The following TSPAN18 variants were observed in gnomAD, a reference collection of about 807,000 sequenced individuals.
TSPAN18 encodes the protein tetraspanin 18, also known as tetraspanin-18.
A neutral mutation model predicts 27.3 loss-of-function variants in TSPAN18; 14 were observed. That is an observed-to-expected ratio of 0.51 (90% CI 0.34 to 0.80). The LOEUF is 0.80. TSPAN18 is among the 30% of genes least tolerant of loss of function. TSPAN18 has a pLI of 0.01. For synonymous variants in TSPAN18, 143 were observed against 136.5 expected, an observed-to-expected ratio of 1.05 and a Z score of -0.33; for missense variants, 268 against 323.9, an observed-to-expected ratio of 0.83 and a Z score of 1.32.
At position 44,822,210 on chromosome 11, in the gene TSPAN18, G is replaced by A. The variant is rs1565165130; in HGVS notation, c.-152-38118G>A. On this transcript the variant is annotated intron_variant, in intron 2 of 9. Transcript: ENST00000520358. The stretch of plus-strand genomic sequence containing the variant: ...CCCAATTTAAATGAACTTTGATATG[G>A]GGGTCTTTCTTAACACTTTCAAGAA... Among the ~76,000 whole-genome samples, 3 of 152,070 alleles carry A rather than the reference G, an allele frequency of 2.0e-5. No individual in the cohort carries two copies. The East Asian group carries it at 5.8e-4, about 29-fold the overall frequency.
chr11:44,740,462 G>T, intron 1 of TSPAN18, among the ~76,000 whole-genome samples: 1 of 152,280 alleles, frequency 6.6e-6, no homozygotes, highest in African/African-American at 2.4e-5. Context: ...GGCCAGCCAG[G>T]GGCATGGGGC....
At chr11:44,870,248 C>T (rs1271604666) in intron 3 of TSPAN18, among the ~76,000 whole-genome samples, 1 of 152,164 alleles carries the variant, frequency 6.6e-6, no homozygotes, top group Non-Finnish European at 1.5e-5. Flanking sequence ...GCCATCAGTC[C>T]CTGTTCCCAC....
chr11:44,887,763 C>T (rs1858706565), intron 3 of TSPAN18, among the ~76,000 whole-genome samples: 2 of 152,150 alleles, frequency 1.3e-5, no homozygotes, highest in South Asian at 4.1e-4. Flanking sequence ...TCCCTGCACC[C>T]TTTTCTGCTG....
chr11:44,732,113 G>A (rs1854675889), intron 1 of TSPAN18, among the ~76,000 whole-genome samples: 1 of 152,240 alleles, frequency 6.6e-6, no homozygotes, highest in Non-Finnish European at 1.5e-5. Context: ...GCTGGGCCCG[G>A]TCCGTGGTCT....
At chr11:44,887,625 C>A (rs532734598) in intron 3 of TSPAN18, among the ~76,000 whole-genome samples, 2 of 152,254 alleles carry the variant, frequency 1.3e-5, no homozygotes, top group East Asian at 3.9e-4. Context: ...CCCTGGGGCC[C>A]GCCTTTCCCC....
intron 2 of TSPAN18, among the ~76,000 whole-genome samples, chr11:44,789,206 G>T (rs765593082): frequency 1.3e-5 from 2 of 152,144 alleles, no homozygotes; most frequent in African/African-American, 4.8e-5. Flanking sequence ...ACGCAGAGCC[G>T]TGATCATCAG....
rs542107057 is a variant in TSPAN18, at chr11:44,926,838, C to T, written c.699+81C>T. Reference sequence around the variant, plus strand: ...TAGGCAGATCCCCCCAGCCTCCTTTCCTCTTCATTTCCTTCACCTGGGACC... The same window carrying T: ...TAGGCAGATCCCCCCAGCCTCCTTTTCTCTTCATTTCCTTCACCTGGGACC... On this transcript the variant is annotated intron_variant, in intron 9 of 9. Transcript: ENST00000520358. The T allele has an allele frequency of 3.7e-4, 551 of 1,496,342 alleles. 2 individuals carry two copies. In the African/African-American group the frequency reaches 5.7e-3, roughly 15 times the overall value. The allele number at this position is 1,496,342 out of a possible 1,614,324, so 92.7% of individuals were successfully genotyped here.
chr11:44,861,072 C>T (rs1857866245), intron 3 of TSPAN18, among the ~76,000 whole-genome samples: 1 of 152,096 alleles, frequency 6.6e-6, no homozygotes, highest in African/African-American at 2.4e-5. Context: ...GAATCCAGGG[C>T]TCAAATGATG....
intron 1 of TSPAN18, among the ~76,000 whole-genome samples, chr11:44,752,214 A>G (rs1855227176): frequency 6.6e-6 from 1 of 152,246 alleles, no homozygotes; most frequent in African/African-American, 2.4e-5. Flanking sequence ...CTAAATCTCC[A>G]AAACAGGCTA....
In TSPAN18 at chr11:44,929,691, C is replaced by T. The variant is rs1242499329; in HGVS notation, c.*513C>T. 6.5e-6 allele frequency: 1 copy of T among 154,554 alleles called. No homozygotes were observed. The highest frequency in any genetic ancestry group is 1.4e-5 in the Non-Finnish European group (1 of 69,676). The allele number at this position is 154,554 out of a possible 1,614,324, so 9.6% of individuals were successfully genotyped here. ...GTCCACTGGAGGATGGACTGTTCCC[C>T]CCTTCAGGCCGGGGCCAAGAGTGAG... is the stretch of plus-strand genomic sequence containing the variant. On this transcript the variant is annotated 3_prime_UTR_variant, in exon 10 of 10. Coordinates refer to ENST00000520358, the MANE Select transcript of TSPAN18 (RefSeq NM_130783.5).
chr11:44,832,705 G>C (rs1249681425), intron 2 of TSPAN18, among the ~76,000 whole-genome samples: 1 of 152,108 alleles, frequency 6.6e-6, no homozygotes, highest in Non-Finnish European at 1.5e-5. Flanking sequence ...CTTCTTCCTT[G>C]TTCCTCCTTC....
At chr11:44,892,060 T>G (rs1858868715) in intron 3 of TSPAN18, among the ~76,000 whole-genome samples, 1 of 152,100 alleles carries the variant, frequency 6.6e-6, no homozygotes, top group South Asian at 2.1e-4. Flanking sequence ...CTACAGCCCC[T>G]TCCCCAAGGC....
Position 44,929,233 on chromosome 11 carries a change from G to A in TSPAN18, c.*55G>A, listed in dbSNP as rs835990. ...CCCACCCACCACTGCCCAGCACCCA[G>A]TGTCCTCCCGTGCCCCTCCCCGCTG... On this transcript the variant is annotated 3_prime_UTR_variant, in exon 10 of 10. Coordinates refer to ENST00000520358, the MANE Select transcript of TSPAN18 (RefSeq NM_130783.5). 0.88 allele frequency: 1,418,237 copies of A among 1,610,490 alleles called. 625,001 individuals are homozygous for A. Among genetic ancestry groups the A allele is most frequent in the Admixed American group, 0.93 (56,007 of 60,012 alleles).
chr11:44,748,763 G>A (rs1855140687), intron 1 of TSPAN18, among the ~76,000 whole-genome samples: 2 of 152,196 alleles, frequency 1.3e-5, no homozygotes, highest in South Asian at 4.1e-4. Flanking sequence ...CGGTCAAGTT[G>A]CCACTGTGAA....
At chr11:44,839,687 A>C (rs1447599745) in intron 2 of TSPAN18, among the ~76,000 whole-genome samples, 3 of 152,130 alleles carry the variant, frequency 2.0e-5, no homozygotes, top group Non-Finnish European at 1.5e-5. Flanking sequence ...TGCTTCCTGG[A>C]GTTAAGACAG....
Position 44,913,099 on chromosome 11 carries a change from C to G in TSPAN18, c.258+3200C>G, listed in dbSNP as rs542658425. ...AACCGAAGAGGGCATGGAGCCTCAC[C>G]CCTGGCAGCTTCTGGGATCCTTCTA... is the stretch of plus-strand genomic sequence containing the variant. On this transcript the variant is annotated intron_variant, in intron 5 of 9. Transcript: ENST00000520358. Among the ~76,000 whole-genome samples, 5 of 152,334 alleles carry G rather than the reference C, an allele frequency of 3.3e-5. No homozygotes were observed. In the South Asian group the frequency reaches 1.0e-3, roughly 32 times the overall value.
intron 2 of TSPAN18, among the ~76,000 whole-genome samples, chr11:44,804,867 T>C (rs1856558563): frequency 6.6e-6 from 1 of 152,202 alleles, no homozygotes; most frequent in Non-Finnish European, 1.5e-5. Flanking sequence ...CACCCCATTA[T>C]GAGTTCCGAC....
At chr11:44,862,743 G>C (rs1198647895) in intron 3 of TSPAN18, among the ~76,000 whole-genome samples, 3 of 152,188 alleles carry the variant, frequency 2.0e-5, no homozygotes, top group Admixed American at 2.0e-4. Context: ...CCATAACTGG[G>C]CTGGCTTGGT....
intron 2 of TSPAN18, among the ~76,000 whole-genome samples, chr11:44,788,575 A>T (rs1856117621): frequency 1.4e-5 from 2 of 147,210 alleles, no homozygotes; most frequent in Admixed American, 1.4e-4. Context: ...CTCCTGTTCC[A>T]GCCTCCGGAG....
Sources: gnomAD v4.1 joint callset for allele counts (sites outside exome capture counted in the v4.1 genomes callset) on GRCh38, gnomAD v4.1.1 for gene constraint, MANE v1.5 for transcripts, NCBI Gene and HGNC (gene_info 2026-07-23, HGNC 2026-07-21) for gene names.